SCN7A: variants seen among roughly 807,000 people sequenced by gnomAD.
The protein encoded by SCN7A is sodium voltage-gated channel alpha subunit 7.
A neutral mutation model predicts 155.2 loss-of-function variants in SCN7A; 138 were observed. The observed-to-expected ratio is 0.89, with a 90% confidence interval of 0.77 to 1.02. The LOEUF (loss-of-function observed/expected upper bound fraction) is 1.02. Among genes scored for constraint, SCN7A ranks in the 50% least tolerant of loss-of-function variants. The probability of loss-of-function intolerance (pLI) is 0.00; values close to 1 mark genes in which losing one functional copy is unlikely to be tolerated. For missense variants in SCN7A, 2,058 were observed against 1,986.6 expected, an observed-to-expected ratio of 1.04 and a Z score of -0.68; for synonymous variants, 693 against 649.0, an observed-to-expected ratio of 1.07 and a Z score of -1.03.
At chr2:166,458,357 C>T (rs1242419373) in intron 10 of SCN7A, among the ~76,000 whole-genome samples, 1 of 151,454 alleles carries the variant, frequency 6.6e-6, no homozygotes, top group Non-Finnish European at 1.5e-5. Flanking sequence ...CCCTTTAGGC[C>T]ATGCACATCA....
rs1180776074 is a variant in SCN7A at position 166,429,231 on chromosome 2, A to G, written c.2636T>C (p.Ile879Thr). Residue 879 changes from isoleucine (I) to threonine (T), a missense_variant, in exon 17 of 26, where the codon ATT becomes ACT. Ile to Thr is a moderately conservative substitution (Grantham distance 89). Coordinates refer to ENST00000643258, the MANE Select transcript of SCN7A (RefSeq NM_002976.4). ...CATTTCTTCTTCTTCAGAGATAGCA[A>G]TATCAACAGTACTGCATTCAGATGA... The part of the protein sequence containing the change: ...SSSSECSTVD[I>T]AISEEEEMFY... 2 of 1,548,402 alleles carry G rather than the reference A, an allele frequency of 1.3e-6. No individual in the cohort carries two copies. The highest frequency in any genetic ancestry group is 1.4e-5 in the African/African-American group (1 of 73,244).
chr2:166,410,833 C>T (rs771740260), intron 23 of SCN7A, among the ~76,000 whole-genome samples: 12 of 151,810 alleles, frequency 7.9e-5, no homozygotes, highest in African/African-American at 2.2e-4. Flanking sequence ...CTTCATAGCA[C>T]GGTTGAGGGC....
intron 14 of SCN7A, among the ~76,000 whole-genome samples, chr2:166,442,216 T>C (rs1267393134): frequency 2.6e-5 from 4 of 152,174 alleles, no homozygotes; most frequent in African/African-American, 9.7e-5. Flanking sequence ...AAACACAACA[T>C]TCTAGGTTTA....
At position 166,444,628 on chromosome 2, in the gene SCN7A, C is replaced by T. The variant is rs984069258; in HGVS notation, c.1626+134G>A. 8.2e-5 allele frequency: 50 copies of T among 611,186 alleles called. 1 individual carries two copies. Among genetic ancestry groups the T allele is most frequent in the South Asian group, 4.3e-5 (2 of 46,048 alleles). 37.9% of individuals were successfully genotyped at this position (611,186 alleles called of 1,614,324 possible). On this transcript the variant is annotated intron_variant, in intron 13 of 25. Transcript: ENST00000643258. Reference sequence around the variant, plus strand: ...GGAGGGATAAAGCATAAACACAATGCTTCATTCAATAATAATGCATATTGC... The same window carrying T: ...GGAGGGATAAAGCATAAACACAATGTTTCATTCAATAATAATGCATATTGC...
intron 25 of SCN7A, 54 bp downstream of exon 25, chr2:166,409,611 G>T: frequency 1.6e-6 from 2 of 1,275,734 alleles, no homozygotes; most frequent in Admixed American, 3.0e-5. Context: ...TACTGTAAGA[G>T]CTTACTTGAA....
chr2:166,414,297 T>TACAC (rs1559088911), intron 21 of SCN7A, among the ~76,000 whole-genome samples: 1 of 92,428 alleles, frequency 1.1e-5, no homozygotes, highest in African/African-American at 5.3e-5. Context: ...CACACACATA[T>TACAC]ATATATATAT....
At chr2:166,462,553 C>A in intron 9 of SCN7A, 23 bp from the exon 10 acceptor site, 3 of 1,609,636 alleles carry the variant, frequency 1.9e-6, no homozygotes, top group Non-Finnish European at 2.5e-6. Context: ...AAGAAAAAAA[C>A]CTGCTTACTA....
chr2:166,414,542 CCTCAT>C (rs1701318261), intron 21 of SCN7A: 1 of 140,522 alleles, frequency 7.1e-6, no homozygotes, highest in Non-Finnish European at 1.5e-5. Context: ...AAGTCTATAT[CCTCAT>C]CTTACCAGGC....
intron 21 of SCN7A, among the ~76,000 whole-genome samples, chr2:166,413,963 A>G (rs1418389464): frequency 1.1e-5 from 1 of 94,498 alleles, no homozygotes; most frequent in Admixed American, 1.4e-4. Flanking sequence ...ACTCCCCTTT[A>G]TATATATATG....
At chr2:166,485,686 A>G (rs920922461) in intron 2 of SCN7A, among the ~76,000 whole-genome samples, 2 of 152,114 alleles carry the variant, frequency 1.3e-5, no homozygotes, top group African/African-American at 4.8e-5. Flanking sequence ...TTCCAATACA[A>G]CGAACATCTT....
intron 15 of SCN7A, among the ~76,000 whole-genome samples, chr2:166,439,416 T>C (rs952974046): frequency 6.6e-6 from 1 of 152,052 alleles, no homozygotes; most frequent in Non-Finnish European, 1.5e-5. Context: ...AGACTTGATA[T>C]AATACAAAGA....
chr2:166,432,337 C>A lies in SCN7A; in HGVS notation c.2573G>T (p.Gly858Val), dbSNP rs538487867. 4.4e-6 allele frequency: 7 copies of A among 1,608,840 alleles called. No homozygotes were observed. The African/African-American group carries it at 5.4e-5, about 12-fold the overall frequency. Residue 858 changes from glycine to valine, a missense_variant, in exon 16 of 26, where the codon GGT (glycine) becomes GTT (valine). Coordinates refer to ENST00000643258, the MANE Select transcript of SCN7A (RefSeq NM_002976.4). ...LDNKEIQSKS[G>V]DGGSKEKIKQ... ...TCTTACCTCTTTGCTGCCTCCATCA[C>A]CAGACTTACTCTGAATCTCCTTATT...
At chr2:166,450,207 C>T (rs1245367509) in intron 11 of SCN7A, among the ~76,000 whole-genome samples, 2 of 152,120 alleles carry the variant, frequency 1.3e-5, no homozygotes, top group Admixed American at 1.3e-4. Flanking sequence ...CCAGTTAATG[C>T]AGGAACAGAA....
Position 166,488,043 on chromosome 2 carries a change from A to G in SCN7A, c.-127-1075T>C, listed in dbSNP as rs148300436. 2.7e-3 allele frequency among the ~76,000 whole-genome samples: 404 copies of G among 152,316 alleles called. 4 individuals carry two copies. The Middle Eastern group carries it at 0.037, about 14-fold the overall frequency. ...AGTTAACTTGGGATCAGAAGGTACC[A>G]TCGGCATAAGCAAAGATACAGAGTT... On this transcript the variant is annotated intron_variant, in intron 1 of 25. Transcript: ENST00000643258.
chr2:166,442,839 A>T (rs1701988788), intron 14 of SCN7A, among the ~76,000 whole-genome samples: 1 of 152,172 alleles, frequency 6.6e-6, no homozygotes, highest in African/African-American at 2.4e-5. Context: ...TTCATTAGAA[A>T]AGGTTATGGA....
intron 1 of SCN7A, among the ~76,000 whole-genome samples, chr2:166,492,440 C>T (rs192099605): frequency 4.3e-4 from 66 of 152,240 alleles, no homozygotes; most frequent in African/African-American, 1.6e-3. Context: ...ATCCAATATA[C>T]GTGATGGCTT....
chr2:166,470,166 A>G (rs907450736), intron 7 of SCN7A, among the ~76,000 whole-genome samples: 1 of 151,770 alleles, frequency 6.6e-6, no homozygotes, highest in African/African-American at 2.4e-5. Context: ...ATTTTATGGC[A>G]TGTGAATTGC....
Position 166,407,631 on chromosome 2 carries a change from T to C in SCN7A, c.3983-985A>G, listed in dbSNP as rs1701103634. Among the ~76,000 whole-genome samples the C allele has an allele frequency of 2.0e-5, 3 of 152,158 alleles. No individual in the cohort carries two copies. In the South Asian group the frequency reaches 6.2e-4, roughly 32 times the overall value. On this transcript the variant is annotated intron_variant, in intron 25 of 25. Transcript: ENST00000643258. The stretch of plus-strand genomic sequence containing the variant: ...CATTTCCCTTCAACCTTCCAAACTT[T>C]TTCATTATGCAGGAAGTATCACTAA...
At chr2:166,469,124 GTC>G (rs1413291851) in intron 7 of SCN7A, among the ~76,000 whole-genome samples, 1 of 150,432 alleles carries the variant, frequency 6.6e-6, no homozygotes, top group East Asian at 2.0e-4. Context: ...ATTCATTCTG[GTC>G]TGTTTTCAGG....
Sources: allele counts gnomAD v4.1 joint callset (sites outside exome capture counted in the v4.1 genomes callset), GRCh38; gene constraint gnomAD v4.1.1; transcripts MANE v1.5; gene names NCBI Gene and HGNC (gene_info 2026-07-23, HGNC 2026-07-21).